Variants in RAB3C observed in about 807,000 individuals in gnomAD.
RAB3C encodes the protein RAB3C, member RAS oncogene family.
A neutral mutation model predicts 26.4 loss-of-function variants in RAB3C; 17 were observed. The ratio of observed to expected loss-of-function variants is 0.64; its 90% CI spans 0.44 to 0.97. The LOEUF (loss-of-function observed/expected upper bound fraction) is 0.97. Ranked by LOEUF, RAB3C falls within the 50% of genes least tolerant of loss-of-function variation. The probability of loss-of-function intolerance (pLI) is 0.00; values close to 1 mark genes in which losing one functional copy is unlikely to be tolerated. For synonymous variants in RAB3C, 91 were observed against 95.9 expected (o/e 0.95, Z 0.30); for missense variants, 242 against 281.9 (o/e 0.86, Z 1.01).
intron 2 of RAB3C, among the ~76,000 whole-genome samples, chr5:58,702,131 T>C (rs776117014): frequency 2.6e-5 from 4 of 152,156 alleles, no homozygotes; most frequent in Non-Finnish European, 5.9e-5. Context: ...TTTACATCAT[T>C]ATCTAATTTA....
chr5:58,675,989 T>C (rs1020762590), intron 2 of RAB3C, among the ~76,000 whole-genome samples: 4 of 152,206 alleles, frequency 2.6e-5, no homozygotes, highest in African/African-American at 9.6e-5. Context: ...GGGCAGGGCT[T>C]TCCTGGCACA....
At chr5:58,665,041 C>T (rs551398604) in intron 2 of RAB3C, among the ~76,000 whole-genome samples, 3 of 152,280 alleles carry the variant, frequency 2.0e-5, no homozygotes, top group Admixed American at 2.0e-4. Context: ...GCTCTAACGT[C>T]ACCTCCTTAA....
rs1271470945 is a variant in RAB3C at position 58,735,463 on chromosome 5, G to A, written c.371+9343G>A. 2.0e-5 allele frequency among the ~76,000 whole-genome samples: 3 copies of A among 152,108 alleles called. No homozygotes were observed. The East Asian group carries it at 5.8e-4, about 29-fold the overall frequency. On this transcript the variant is annotated intron_variant, in intron 3 of 4. Coordinates refer to ENST00000282878, the MANE Select transcript of RAB3C (RefSeq NM_138453.4). ...TATAATTCCCACCATTTTTCACCAC[G>A]TCTACTGCATATTAGTTTGCTAGGG...
intron 4 of RAB3C, among the ~76,000 whole-genome samples, chr5:58,850,715 T>TG (rs1391129575): frequency 6.6e-6 from 1 of 152,258 alleles, no homozygotes; most frequent in East Asian, 1.9e-4. Context: ...CAGAATAAGA[T>TG]GCCAAATAAT....
chr5:58,654,347 T>C (rs1747719348), intron 2 of RAB3C, among the ~76,000 whole-genome samples: 1 of 152,198 alleles, frequency 6.6e-6, no homozygotes, highest in African/African-American at 2.4e-5. Context: ...TTAAGTTATA[T>C]TTTAAATGGG....
intron 3 of RAB3C, among the ~76,000 whole-genome samples, chr5:58,756,346 GTTATATA>G (rs1741658590): frequency 1.6e-5 from 2 of 128,100 alleles, no homozygotes; most frequent in African/African-American, 6.5e-5. Flanking sequence ...ACATATATAT[GTTATATA>G]TATATATAAC....
intron 2 of RAB3C, among the ~76,000 whole-genome samples, chr5:58,651,217 G>T (rs1419314443): frequency 6.6e-6 from 1 of 152,200 alleles, no homozygotes; most frequent in East Asian, 1.9e-4. Flanking sequence ...TAGAAATGCT[G>T]ATCTGCACTA....
chr5:58,598,885 C>T (rs2111680682), intron 1 of RAB3C, among the ~76,000 whole-genome samples: 1 of 152,192 alleles, frequency 6.6e-6, no homozygotes, highest in South Asian at 2.1e-4. Flanking sequence ...TAACCATTTG[C>T]ATTTCAGAGA....
At chr5:58,735,061 G>T (rs984729928) in intron 3 of RAB3C, among the ~76,000 whole-genome samples, 2 of 152,162 alleles carry the variant, frequency 1.3e-5, no homozygotes, top group Non-Finnish European at 2.9e-5. Flanking sequence ...TGCCTGAAAG[G>T]TGCTTGTCTA....
intron 4 of RAB3C, among the ~76,000 whole-genome samples, chr5:58,843,723 T>C (rs964464634): frequency 1.3e-5 from 2 of 152,218 alleles, no homozygotes; most frequent in Non-Finnish European, 2.9e-5. Flanking sequence ...TATCATAAAT[T>C]TCCCACAGGG....
At chr5:58,786,703 C>G (rs1356655851) in intron 3 of RAB3C, among the ~76,000 whole-genome samples, 1 of 151,908 alleles carries the variant, frequency 6.6e-6, no homozygotes, top group East Asian at 1.9e-4. Flanking sequence ...GCCCAGCTGG[C>G]TCCACCGCAA....
intron 3 of RAB3C, among the ~76,000 whole-genome samples, chr5:58,811,018 G>A (rs1219538202): frequency 1.3e-5 from 2 of 152,168 alleles, no homozygotes; most frequent in African/African-American, 4.8e-5. Flanking sequence ...CCATACGGAG[G>A]CACAGTAAGA....
chr5:58,618,998 A>G (rs906026458), intron 2 of RAB3C, among the ~76,000 whole-genome samples: 4 of 152,192 alleles, frequency 2.6e-5, no homozygotes, highest in African/African-American at 9.6e-5. Context: ...TAACTTTTTT[A>G]AAAAAGAAAA....
At chr5:58,824,937 C>G in intron 3 of RAB3C, 101 bp from the exon 4 acceptor site, 3 of 659,540 alleles carry the variant, frequency 4.5e-6, no homozygotes, top group Non-Finnish European at 7.1e-6. Flanking sequence ...TTTTTTTTTT[C>G]CTTTTGCTAC....
At chr5:58,737,869 A>G (rs1741184931) in intron 3 of RAB3C, among the ~76,000 whole-genome samples, 1 of 152,136 alleles carries the variant, frequency 6.6e-6, no homozygotes, top group Admixed American at 6.6e-5. Context: ...TAAGGTGGAG[A>G]GAATATCTGG....
At chr5:58,598,225 A>T (rs1172395890) in intron 1 of RAB3C, among the ~76,000 whole-genome samples, 1 of 132,948 alleles carries the variant, frequency 7.5e-6, no homozygotes, top group African/African-American at 2.9e-5. Flanking sequence ...GTAATACATT[A>T]TATATAAGTA....
chr5:58,685,548 A>C (rs1165726352), intron 2 of RAB3C, among the ~76,000 whole-genome samples: 4 of 152,156 alleles, frequency 2.6e-5, no homozygotes, highest in African/African-American at 9.7e-5. Flanking sequence ...AAGACCACAT[A>C]TTCATAGGTT....
intron 2 of RAB3C, among the ~76,000 whole-genome samples, chr5:58,693,463 T>C (rs1434274708): frequency 6.6e-6 from 1 of 151,200 alleles, no homozygotes; most frequent in Non-Finnish European, 1.5e-5. Context: ...AGGTAGGTCA[T>C]AATATATCTT....
intron 2 of RAB3C, among the ~76,000 whole-genome samples, chr5:58,704,563 T>C (rs1258426991): frequency 6.6e-6 from 1 of 152,118 alleles, no homozygotes; most frequent in African/African-American, 2.4e-5. Context: ...TTAGTAAAGA[T>C]ACACAAAAGA....
Sources: allele counts gnomAD v4.1 joint callset (sites outside exome capture counted in the v4.1 genomes callset), GRCh38; gene constraint gnomAD v4.1.1; transcripts MANE v1.5; gene names NCBI Gene and HGNC (gene_info 2026-07-23, HGNC 2026-07-21).